TBCEL: variants seen among roughly 807,000 people sequenced by gnomAD.
The protein encoded by TBCEL is tubulin folding cofactor E like.
Under a neutral mutation model 44.2 loss-of-function variants are expected in TBCEL, and 15 were observed. The ratio of observed to expected loss-of-function variants is 0.34; its 90% CI spans 0.23 to 0.52. The LOEUF is 0.52. Among genes scored for constraint, TBCEL ranks in the 20% least tolerant of loss-of-function variants. The pLI, the probability that TBCEL is intolerant of heterozygous loss-of-function variation, is 0.95. For synonymous variants in TBCEL, 171 were observed against 185.4 expected (o/e 0.92, Z 0.63); for missense variants, 319 against 506.3 (o/e 0.63, Z 3.55).
At chr11:121,060,921 T>C (rs1945710279) in intron 8 of TBCEL, among the ~76,000 whole-genome samples, 1 of 152,004 alleles carries the variant, frequency 6.6e-6, no homozygotes, top group African/African-American at 2.4e-5. Flanking sequence ...ATTTATTCTG[T>C]GGTTCTAATT....
chr11:121,084,409 TGTGGA>T (rs1429615861), intron 8 of TBCEL, among the ~76,000 whole-genome samples: 1 of 152,220 alleles, frequency 6.6e-6, no homozygotes, highest in African/African-American at 2.4e-5. Flanking sequence ...TTTTGAGTTT[TGTGGA>T]GTGTTTTCTT....
At chr11:121,047,803 T>G in intron 4 of TBCEL, 136 bp downstream of exon 4, 1 of 1,076,386 alleles carries the variant, frequency 9.3e-7, no homozygotes. Flanking sequence ...TATATCTTAT[T>G]GTCTGTATGT....
intron 8 of TBCEL, among the ~76,000 whole-genome samples, chr11:121,074,185 T>C (rs1945991214): frequency 6.6e-6 from 1 of 152,016 alleles, no homozygotes; most frequent in Non-Finnish European, 1.5e-5. Context: ...AATTTTCATT[T>C]GGATGGGCAA....
At chr11:121,054,095 G>A (rs1945576044) in intron 5 of TBCEL, among the ~76,000 whole-genome samples, 1 of 151,876 alleles carries the variant, frequency 6.6e-6, no homozygotes, top group Non-Finnish European at 1.5e-5. Flanking sequence ...ACTAAAATGT[G>A]TTAACATTCA....
At chr11:121,024,467 G>A (rs1945008302) in intron 1 of TBCEL, among the ~76,000 whole-genome samples, 176 bp downstream of exon 1, 1 of 151,536 alleles carries the variant, frequency 6.6e-6, no homozygotes, top group Admixed American at 6.6e-5. Context: ...ACCTGCCCTG[G>A]GGCTAGAGGG....
At chr11:121,044,287 A>T (rs1945388352) in intron 2 of TBCEL, among the ~76,000 whole-genome samples, 1 of 151,942 alleles carries the variant, frequency 6.6e-6, no homozygotes, top group Non-Finnish European at 1.5e-5. Flanking sequence ...TTTTCCCTAA[A>T]ACTTCGTTGT....
chr11:121,084,373 A>G (rs1946178721), intron 8 of TBCEL, among the ~76,000 whole-genome samples: 1 of 152,072 alleles, frequency 6.6e-6, no homozygotes, highest in Non-Finnish European at 1.5e-5. Context: ...TGGTTTTTAT[A>G]TTCAAGTACT....
rs1007560414 is a variant in TBCEL at position 121,087,475 on chromosome 11, GA to G, written c.*381del. ...TAGCCCCTTAGAAGGGTCTCATAGA[GA>G]ATTTAAACAGGGTGACAAGGAATCT... On this transcript the variant is annotated 3_prime_UTR_variant, in exon 9 of 9. Coordinates refer to ENST00000683345, the MANE Select transcript of TBCEL (RefSeq NM_001363644.2). The G allele has an allele frequency of 3.5e-4, 59 of 168,280 alleles. No individual in the cohort carries two copies. Among genetic ancestry groups the G allele is most frequent in the African/African-American group, 1.2e-3 (52 of 41,772 alleles). The allele number at this position is 168,280 out of a possible 1,614,324, so 10.4% of individuals were successfully genotyped here.
intron 8 of TBCEL, among the ~76,000 whole-genome samples, chr11:121,072,572 A>AT (rs1389757934): frequency 6.6e-6 from 1 of 152,028 alleles, no homozygotes; most frequent in Non-Finnish European, 1.5e-5. Context: ...CTTGATGTCT[A>AT]TTTTTCATAT....
At chr11:121,027,108 C>A (rs1035994971) in intron 1 of TBCEL, among the ~76,000 whole-genome samples, 2 of 152,042 alleles carry the variant, frequency 1.3e-5, no homozygotes, top group Non-Finnish European at 2.9e-5. Context: ...ACTTAGAGAC[C>A]AGTTTACTTA....
intron 8 of TBCEL, among the ~76,000 whole-genome samples, chr11:121,061,909 G>T (rs1383844576): frequency 6.6e-6 from 1 of 151,794 alleles, no homozygotes; most frequent in African/African-American, 2.4e-5. Flanking sequence ...ATCAACCTTA[G>T]CTTAGTTTAA....
intron 8 of TBCEL, among the ~76,000 whole-genome samples, chr11:121,080,364 C>A (rs1017319628): frequency 6.6e-6 from 1 of 152,164 alleles, no homozygotes; most frequent in Non-Finnish European, 1.5e-5. Flanking sequence ...CATGAATACA[C>A]CTCTAGACAG....
intron 8 of TBCEL, among the ~76,000 whole-genome samples, chr11:121,084,612 A>G (rs559828747): frequency 6.6e-6 from 1 of 152,098 alleles, no homozygotes; most frequent in Non-Finnish European, 1.5e-5. Flanking sequence ...GTATGAGTAA[A>G]TTCTCTTTGT....
At chr11:121,026,761 T>C (rs1042869964) in intron 1 of TBCEL, among the ~76,000 whole-genome samples, 53 of 152,186 alleles carry the variant, frequency 3.5e-4, no homozygotes, top group African/African-American at 1.1e-3. Flanking sequence ...TTTTAAAATA[T>C]TTAGCTTTAA....
chr11:121,082,459 C>T (rs1946142942), intron 8 of TBCEL, among the ~76,000 whole-genome samples: 1 of 152,150 alleles, frequency 6.6e-6, no homozygotes, highest in Non-Finnish European at 1.5e-5. Flanking sequence ...TTTTTGAAGG[C>T]TCATATGATT....
chr11:121,065,359 A>AG (rs1242876503), intron 8 of TBCEL, among the ~76,000 whole-genome samples: 1 of 152,144 alleles, frequency 6.6e-6, no homozygotes, highest in East Asian at 1.9e-4. Flanking sequence ...CCAGTTAGCA[A>AG]GGGGGGCCTA....
chr11:121,033,576 A>G (rs953931709), intron 1 of TBCEL, among the ~76,000 whole-genome samples: 1 of 152,224 alleles, frequency 6.6e-6, no homozygotes, highest in Admixed American at 6.5e-5. Flanking sequence ...CAGAAATGGT[A>G]GACCTCACCT....
At chr11:121,070,716 G>A (rs570407226) in intron 8 of TBCEL, among the ~76,000 whole-genome samples, 1 of 139,110 alleles carries the variant, frequency 7.2e-6, no homozygotes. Context: ...GATTCGGGGA[G>A]GGGGGAGGGA....
chr11:121,058,130 C>T (rs1487318807), intron 6 of TBCEL, among the ~76,000 whole-genome samples: 1 of 151,816 alleles, frequency 6.6e-6, no homozygotes, highest in East Asian at 1.9e-4. Context: ...ACTCTCTTAA[C>T]CCGTGGATCA....
Sources: gnomAD v4.1 joint callset for allele counts (sites outside exome capture counted in the v4.1 genomes callset) on GRCh38, gnomAD v4.1.1 for gene constraint, MANE v1.5 for transcripts, NCBI Gene and HGNC (gene_info 2026-07-23, HGNC 2026-07-21) for gene names.